The following LDHA variants were observed in gnomAD, a reference collection of about 807,000 sequenced individuals.
LDHA encodes the protein lactate dehydrogenase A, also known as L-lactate dehydrogenase A chain.
A neutral mutation model predicts 36.3 loss-of-function variants in LDHA; 10 were observed. That is an observed-to-expected ratio of 0.28 (90% CI 0.17 to 0.47). The LOEUF is 0.47. Among genes scored for constraint, LDHA ranks in the 20% least tolerant of loss-of-function variants. The probability of loss-of-function intolerance (pLI) is 0.99; values close to 1 mark genes in which losing one functional copy is unlikely to be tolerated. For missense variants in LDHA, 267 were observed against 405.8 expected, an observed-to-expected ratio of 0.66 and a Z score of 2.94; for synonymous variants, 110 against 136.7, an observed-to-expected ratio of 0.80 and a Z score of 1.36.
Position 18,407,417 on chromosome 11 carries a change from C to T in LDHA, c.*136C>T, listed in dbSNP as rs200833510. On this transcript the variant is annotated 3_prime_UTR_variant, in exon 8 of 8. Transcript: ENST00000422447. ...AGATGGACTGGGAAAAACATCAACTCCTGAAGTTAGAAATAAGAATGGTTT... is the reference window on the plus strand; with the variant it reads ...AGATGGACTGGGAAAAACATCAACTTCTGAAGTTAGAAATAAGAATGGTTT... 3.9e-6 allele frequency: 6 copies of T among 1,533,334 alleles called. No homozygotes were observed. The Admixed American group carries it at 9.6e-5, about 25-fold the overall frequency. The allele number at this position is 1,533,334 out of a possible 1,614,324, so 95.0% of individuals were successfully genotyped here.
intron 4 of LDHA, 49 bp downstream of exon 4, chr11:18,401,059 AGTATATG>A: frequency 1.0e-6 from 1 of 982,800 alleles, no homozygotes. Context: ...TAAAACTGAT[AGTATATG>A]ATATATATAT....
rs200332813 is a variant in LDHA at position 18,400,861 on chromosome 11, A to G, written c.269A>G (p.Lys90Arg). Residue 90 changes from lysine (K) to arginine (R), a missense_variant, in exon 4 of 8, where the codon AAG (lysine) becomes AGG (arginine). Transcript: ENST00000422447. ...GACTATAATGTAACTGCAAACTCCA[A>G]GCTGGTCATTATCACGGCTGGGGCA... ...GKDYNVTANS[K>R]LVIITAGARQ... 120 of 1,613,510 alleles carry G rather than the reference A, an allele frequency of 7.4e-5. No homozygotes were observed. The highest frequency in any genetic ancestry group is 9.3e-5 in the Non-Finnish European group (110 of 1,179,714).
At chr11:18,401,347 C>T (rs1359552575) in intron 4 of LDHA, among the ~76,000 whole-genome samples, 1 of 150,820 alleles carries the variant, frequency 6.6e-6, no homozygotes, top group Non-Finnish European at 1.5e-5. Flanking sequence ...GACAGGGTTT[C>T]ACCATGTTGG....
At chr11:18,395,576 AG>A (rs1475027267) in intron 1 of LDHA, among the ~76,000 whole-genome samples, 7 of 152,146 alleles carry the variant, frequency 4.6e-5, no homozygotes, top group African/African-American at 1.7e-4. Flanking sequence ...GTCTAGAAAT[AG>A]CAGTGATTTG....
chr11:18,402,019 C>T (rs1406454589), intron 4 of LDHA, among the ~76,000 whole-genome samples: 9 of 116,114 alleles, frequency 7.8e-5, no homozygotes, highest in East Asian at 2.8e-4. Flanking sequence ...TGCAGTGGTT[C>T]GATCTTGGCT....
intron 3 of LDHA, chr11:18,400,325 A>G (rs1177018388): frequency 9.0e-6 from 2 of 222,130 alleles, no homozygotes; most frequent in Non-Finnish European, 1.8e-5. Context: ...AACTCCCTTC[A>G]TCACTGGTTT....
intron 6 of LDHA, among the ~76,000 whole-genome samples, chr11:18,404,652 C>A (rs1013776815): frequency 2.0e-5 from 3 of 151,140 alleles, no homozygotes; most frequent in Non-Finnish European, 4.4e-5. Context: ...ACTAAAAATA[C>A]AAAAAATTAG....
At chr11:18,402,662 A>G in intron 4 of LDHA, 178 bp from the exon 5 acceptor site, 1 of 607,950 alleles carries the variant, frequency 1.6e-6, no homozygotes, top group East Asian at 3.0e-5. Context: ...AAATATTAAC[A>G]AAATTATTGG....
chr11:18,400,464 CACACACACACACACA>C (rs1866446207), intron 3 of LDHA: 1 of 285,790 alleles, frequency 3.5e-6, no homozygotes, highest in Non-Finnish European at 6.9e-6. Flanking sequence ...CACACACACA[CACACACACACACACA>C]CACGAAATTG....
chr11:18,397,078 A>C (rs1366006631), intron 2 of LDHA, 110 bp downstream of exon 2: 1 of 970,526 alleles, frequency 1.0e-6, no homozygotes, highest in Non-Finnish European at 1.6e-6. Context: ...ATTTAGATTT[A>C]TGCACTCATT....
chr11:18,401,757 G>A (rs1436820741), intron 4 of LDHA, among the ~76,000 whole-genome samples: 17 of 151,696 alleles, frequency 1.1e-4, no homozygotes, highest in Non-Finnish European at 1.8e-4. Context: ...GATTACAGGC[G>A]TGAGCCACCG....
intron 4 of LDHA, among the ~76,000 whole-genome samples, chr11:18,401,273 T>C (rs887292652): frequency 2.0e-5 from 3 of 149,734 alleles, no homozygotes; most frequent in Non-Finnish European, 4.5e-5. Flanking sequence ...CCTCAGCCTC[T>C]CAAGTAGCTG....
Position 18,402,957 on chromosome 11 carries a change from G to A in LDHA, c.536G>A (p.Gly179Glu). The A allele has an allele frequency of 6.2e-7, 1 of 1,612,768 alleles. No homozygotes were observed. ...CGTTACCTAATGGGGGAAAGGCTGG[G>A]AGTTCACCCATTAAGCTGTCATGGG... ...RFRYLMGERL[G>E]VHPLSCHGWV... The change falls in exon 5 of 8, where the codon GGA (glycine) becomes GAA (glutamate). Residue 179 changes from glycine (G) to glutamate (E), a missense_variant. Physicochemically the swap from Gly to Glu is moderately conservative, Grantham distance 98 (BLOSUM62 -2). Coordinates refer to ENST00000422447, the MANE Select transcript of LDHA (RefSeq NM_005566.4).
chr11:18,402,875 G>C lies in LDHA; in HGVS notation c.454G>C (p.Gly152Arg), dbSNP rs138120080. The change falls in exon 5 of 8, where the codon GGT (glycine) becomes CGT (arginine). Residue 152 changes from glycine to arginine, a missense_variant. Transcript: ENST00000422447. ...GACCTACGTGGCTTGGAAGATAAGTGGTTTTCCCAAAAACCGTGTTATTGG... is the reference window on the plus strand; with the variant it reads ...GACCTACGTGGCTTGGAAGATAAGTCGTTTTCCCAAAAACCGTGTTATTGG... The part of the protein sequence containing the change: ...ILTYVAWKIS[G>R]FPKNRVIGSG... 5 of 1,612,766 alleles carry C rather than the reference G, an allele frequency of 3.1e-6. No homozygotes were observed. The African/African-American group carries it at 6.7e-5, about 22-fold the overall frequency.
At chr11:18,397,367 A>C in intron 2 of LDHA, 1 of 160,802 alleles carries the variant, frequency 6.2e-6, no homozygotes, top group Non-Finnish European at 1.4e-5. Context: ...TCCCACTCAA[A>C]TCTCATTGCC....
chr11:18,402,906 G>C lies in LDHA; in HGVS notation c.485G>C (p.Gly162Ala). 1.2e-6 allele frequency: 2 copies of C among 1,612,008 alleles called. No homozygotes were observed. Among genetic ancestry groups the C allele is most frequent in the Non-Finnish European group, 1.7e-6 (2 of 1,178,116 alleles). ...CCCAAAAACCGTGTTATTGGAAGCG[G>C]TTGCAATCTGGATTCAGCCCGATTC... ...GFPKNRVIGS[G>A]CNLDSARFRY... Residue 162 changes from glycine (G) to alanine (A), a missense_variant, in exon 5 of 8, where the codon GGT becomes GCT. Physicochemically the swap from Gly to Ala is moderately conservative, Grantham distance 60. Transcript: ENST00000422447.
chr11:18,400,056 G>GC (rs1039411249), intron 3 of LDHA: 1 of 192,188 alleles, frequency 5.2e-6, no homozygotes, highest in Non-Finnish European at 1.1e-5. Flanking sequence ...ATTTGTCCAT[G>GC]CTATGCAAAC....
At chr11:18,396,576 AC>A (rs1169719974) in intron 1 of LDHA, 5 of 1,385,956 alleles carry the variant, frequency 3.6e-6, no homozygotes, top group Non-Finnish European at 4.6e-6. Context: ...GGCTATACTT[AC>A]ACCCAAACGT....
chr11:18,396,498 G>C, intron 1 of LDHA: 2 of 1,000,900 alleles, frequency 2.0e-6, no homozygotes, highest in Non-Finnish European at 2.7e-6. Context: ...GTAGCTCAGA[G>C]TGATCTTGTC....
Sources: allele counts gnomAD v4.1 joint callset (sites outside exome capture counted in the v4.1 genomes callset), GRCh38; gene constraint gnomAD v4.1.1; transcripts MANE v1.5; gene names NCBI Gene and HGNC (gene_info 2026-07-23, HGNC 2026-07-21).